Variants in PHACTR1 observed in about 807,000 individuals in gnomAD.
PHACTR1 encodes the protein phosphatase and actin regulator 1.
Under a neutral mutation model 69.2 loss-of-function variants are expected in PHACTR1, and 16 were observed. That is an observed-to-expected ratio of 0.23 (90% CI 0.16 to 0.35). PHACTR1 has a LOEUF of 0.35. Ranked by LOEUF, PHACTR1 falls within the 10% of genes least tolerant of loss-of-function variation. The pLI, the probability that PHACTR1 is intolerant of heterozygous loss-of-function variation, is 1.00. For synonymous variants in PHACTR1, 312 were observed against 284.5 expected (o/e 1.10, Z -0.97); for missense variants, 510 against 734.7 (o/e 0.69, Z 3.54).
chr6:12,836,624 A>T (rs1034054010), intron 4 of PHACTR1, among the ~76,000 whole-genome samples: 3 of 152,314 alleles, frequency 2.0e-5, no homozygotes, highest in East Asian at 3.9e-4. Flanking sequence ...GAAAGAAAAA[A>T]TAAAAATAAC....
intron 10 of PHACTR1, among the ~76,000 whole-genome samples, chr6:13,263,206 A>G (rs1215760805): frequency 6.6e-6 from 1 of 151,288 alleles, no homozygotes; most frequent in Non-Finnish European, 1.5e-5. Context: ...CCAAGGTCAA[A>G]ACTGAAGTGT....
chr6:12,988,733 T>A (rs1486297079), intron 4 of PHACTR1, among the ~76,000 whole-genome samples: 1 of 152,198 alleles, frequency 6.6e-6, no homozygotes, highest in Non-Finnish European at 1.5e-5. Flanking sequence ...AAGACAGTCA[T>A]GTTCGAATTT....
At position 12,998,816 on chromosome 6, in the gene PHACTR1, GA is replaced by G. The variant is rs527561556; in HGVS notation, c.251-54540del. ...AAAAAGAGTCTATATAAATCAATGAGAAAAAAAAATCAATAAACAAGTGGAC... is the reference window on the plus strand; with the variant it reads ...AAAAAGAGTCTATATAAATCAATGAGAAAAAAAATCAATAAACAAGTGGAC... On this transcript the variant is annotated intron_variant, in intron 4 of 14. Transcript: ENST00000332995. Among the ~76,000 whole-genome samples the G allele has an allele frequency of 6.2e-4, 94 of 151,010 alleles. 1 individual carries two copies. In the East Asian group the frequency reaches 8.2e-3, roughly 13 times the overall value.
chr6:12,825,901 TGAAAAGAAAAGAAAA>T (rs143787723), intron 4 of PHACTR1, among the ~76,000 whole-genome samples: 9 of 151,800 alleles, frequency 5.9e-5, no homozygotes, highest in African/African-American at 1.7e-4. Flanking sequence ...AAATAACACA[TGAAAAGAAAAGAAAA>T]GAAAAGAAAA....
At chr6:13,060,994 G>T (rs535377592) in intron 5 of PHACTR1, among the ~76,000 whole-genome samples, 1 of 152,338 alleles carries the variant, frequency 6.6e-6, no homozygotes, top group East Asian at 1.9e-4. Context: ...GGTGTTGGCA[G>T]GGTGGGTTCC....
At chr6:13,130,287 AAAAAC>A (rs1003475382) in intron 5 of PHACTR1, among the ~76,000 whole-genome samples, 147 of 152,138 alleles carry the variant, frequency 9.7e-4, no homozygotes, top group African/African-American at 3.3e-3. Flanking sequence ...AAACAAAAAC[AAAAAC>A]AAAACAAAAC....
intron 8 of PHACTR1, among the ~76,000 whole-genome samples, chr6:13,213,465 C>T (rs905471989): frequency 1.4e-4 from 22 of 152,208 alleles, no homozygotes; most frequent in Non-Finnish European, 2.6e-4. Flanking sequence ...CTTTTGCATA[C>T]TTGCAACAGG....
intron 5 of PHACTR1, among the ~76,000 whole-genome samples, chr6:13,063,214 C>T (rs1459461959): frequency 1.3e-5 from 2 of 152,132 alleles, no homozygotes; most frequent in Non-Finnish European, 1.5e-5. Context: ...GCCCCTACCT[C>T]CCAAAGGTTA....
chr6:12,859,271 T>A (rs1211996185), intron 4 of PHACTR1, among the ~76,000 whole-genome samples: 1 of 152,180 alleles, frequency 6.6e-6, no homozygotes, highest in East Asian at 1.9e-4. Flanking sequence ...CTACACATAC[T>A]TTTTTTCCTA....
intron 10 of PHACTR1, among the ~76,000 whole-genome samples, chr6:13,248,560 TA>T (rs905189685): frequency 5.1e-4 from 78 of 152,320 alleles, no homozygotes; most frequent in African/African-American, 1.8e-3. Flanking sequence ...AAACTTGATA[TA>T]GGGGGAAATT....
At chr6:12,734,056 A>T (rs967506968) in intron 3 of PHACTR1, among the ~76,000 whole-genome samples, 7 of 152,198 alleles carry the variant, frequency 4.6e-5, no homozygotes, top group Non-Finnish European at 8.8e-5. Flanking sequence ...TTCAGCAGCC[A>T]GCCCCCAGCC....
intron 8 of PHACTR1, among the ~76,000 whole-genome samples, chr6:13,220,082 A>G (rs1759140075): frequency 2.6e-5 from 4 of 152,184 alleles, no homozygotes; most frequent in Admixed American, 2.6e-4. Context: ...GATGATGAAC[A>G]TTTACAACAC....
Position 13,167,995 on chromosome 6 carries a change from T to C in PHACTR1, c.496+7711T>C, listed in dbSNP as rs1285250640. On this transcript the variant is annotated intron_variant, in intron 6 of 14. Transcript: ENST00000332995. Reference sequence around the variant, plus strand: ...GAGCCTTCTTAAATCCCATAGTTTATCTGGTATTCCAGGTGCATAGACTTC... The same window carrying C: ...GAGCCTTCTTAAATCCCATAGTTTACCTGGTATTCCAGGTGCATAGACTTC... Among the ~76,000 whole-genome samples the C allele has an allele frequency of 2.0e-5, 3 of 152,266 alleles. No homozygotes were observed. The East Asian group carries it at 5.8e-4, about 29-fold the overall frequency.
At chr6:12,989,083 A>G (rs2127603005) in intron 4 of PHACTR1, among the ~76,000 whole-genome samples, 1 of 152,366 alleles carries the variant, frequency 6.6e-6, no homozygotes, top group Non-Finnish European at 1.5e-5. Context: ...CCCTGGCATC[A>G]TAATGCCTAT....
At chr6:12,779,019 A>G (rs756914266) in intron 4 of PHACTR1, among the ~76,000 whole-genome samples, 27 of 152,142 alleles carry the variant, frequency 1.8e-4, no homozygotes, top group Non-Finnish European at 2.1e-4. Flanking sequence ...ATAACTGTAC[A>G]TGGAAGACAC....
chr6:13,285,214 T>C (rs556959001), intron 13 of PHACTR1, among the ~76,000 whole-genome samples: 4 of 152,172 alleles, frequency 2.6e-5, no homozygotes, highest in African/African-American at 9.7e-5. Context: ...TCAATGGCTG[T>C]TGGGGACAGA....
intron 5 of PHACTR1, among the ~76,000 whole-genome samples, chr6:13,159,361 A>G (rs1223540): frequency 0.98 from 149,598 of 152,298 alleles, 73,533 homozygotes; most frequent in Middle Eastern, 1. Flanking sequence ...ACACCAGAGA[A>G]CTTCTCAGAA....
intron 4 of PHACTR1, among the ~76,000 whole-genome samples, chr6:12,829,964 A>AGAGAG (rs1777240400): frequency 3.0e-4 from 30 of 99,940 alleles, no homozygotes; most frequent in East Asian, 1.3e-3. Flanking sequence ...TCAAGAAAGA[A>AGAGAG]AGAGAGAGAG....
At chr6:13,142,285 G>A (rs1427142928) in intron 5 of PHACTR1, among the ~76,000 whole-genome samples, 1 of 152,072 alleles carries the variant, frequency 6.6e-6, no homozygotes, top group East Asian at 1.9e-4. Context: ...GTATTTTTTG[G>A]TACAGACAGG....
Sources: gnomAD v4.1 joint callset for allele counts (sites outside exome capture counted in the v4.1 genomes callset) on GRCh38, gnomAD v4.1.1 for gene constraint, MANE v1.5 for transcripts, NCBI Gene and HGNC (gene_info 2026-07-23, HGNC 2026-07-21) for gene names.